The following TAF3 variants were observed in gnomAD, a reference collection of about 807,000 sequenced individuals.
The protein encoded by TAF3 is TATA-box binding protein associated factor 3, also known as transcription initiation factor TFIID subunit 3.
In TAF3, 7 loss-of-function variants were observed where a neutral mutation model predicts 80.6. The ratio of observed to expected loss-of-function variants is 0.09; its 90% CI spans 0.05 to 0.16. TAF3 has a LOEUF of 0.16. TAF3 is among the 10% of genes least tolerant of loss of function. TAF3 has a pLI of 1.00. For missense variants in TAF3, 921 were observed against 1,140.2 expected (o/e 0.81, Z 2.77); for synonymous variants, 444 against 446.1 (o/e 1.00, Z 0.06).
chr10:7,996,207 T>A (rs1018367457), intron 4 of TAF3, among the ~76,000 whole-genome samples: 6 of 152,174 alleles, frequency 3.9e-5, no homozygotes, highest in Non-Finnish European at 8.8e-5. Flanking sequence ...AGCTGGTGAC[T>A]GGGACCATAG....
intron 2 of TAF3, among the ~76,000 whole-genome samples, chr10:7,915,421 G>A (rs1308510651): frequency 2.0e-5 from 3 of 148,498 alleles, no homozygotes; most frequent in African/African-American, 7.4e-5. Context: ...GAGACGGGTG[G>A]ATCACGAGGT....
In TAF3 at chr10:7,928,297, T is replaced by C. The variant is rs114039722; in HGVS notation, c.410-35623T>C. Among the ~76,000 whole-genome samples the C allele has an allele frequency of 8.4e-3, 1,272 of 152,304 alleles. 14 individuals are homozygous for C. Among genetic ancestry groups the C allele is most frequent in the African/African-American group, 0.027 (1,142 of 41,558 alleles). Reference sequence around the variant, plus strand: ...CCAGTACCTGATACCTAGTGCCACATAGGAAGTACTTAAGTATTTTTTGAG... The same window carrying C: ...CCAGTACCTGATACCTAGTGCCACACAGGAAGTACTTAAGTATTTTTTGAG... On this transcript the variant is annotated intron_variant, in intron 2 of 6. Coordinates refer to ENST00000344293, the MANE Select transcript of TAF3 (RefSeq NM_031923.4).
rs1179535072 is a variant in TAF3, at chr10:7,824,448, T to C, written c.297T>C (p.Phe99=). The C allele has an allele frequency of 1.2e-6, 2 of 1,614,182 alleles. No homozygotes were observed. The highest frequency in any genetic ancestry group is 2.7e-5 in the African/African-American group (2 of 75,058). The change falls in exon 2 of 7, where the codon TTT becomes TTC. Residue 99 remains phenylalanine, a synonymous_variant. Transcript: ENST00000344293. ...PVTFPHQIPS[F]PVSKNNVLQF... ...CCTTCCCACACCAAATTCCGTCATT[T>C]CCTGTTAGCAAGAACAATGTACTTC...
In TAF3 at chr10:7,832,740, C is replaced by T. The variant is rs531934253; in HGVS notation, c.409+8180C>T. 4.6e-5 allele frequency among the ~76,000 whole-genome samples: 7 copies of T among 152,072 alleles called. No homozygotes were observed. The East Asian group carries it at 5.8e-4, about 13-fold the overall frequency. ...AATTTTTGTGTTTTTAGTAGAGATG[C>T]GATTTCACCATGTTGGCCAGGCTGG... On this transcript the variant is annotated intron_variant, in intron 2 of 6. Coordinates refer to ENST00000344293, the MANE Select transcript of TAF3 (RefSeq NM_031923.4).
At position 8,009,660 on chromosome 10, in the gene TAF3, T is replaced by C. The variant is rs1406409222; in HGVS notation, c.2568+330T>C. Among the ~76,000 whole-genome samples the C allele has an allele frequency of 1.3e-5, 2 of 151,910 alleles. No homozygotes were observed. Among genetic ancestry groups the C allele is most frequent in the African/African-American group, 4.8e-5 (2 of 41,358 alleles). On this transcript the variant is annotated intron_variant, in intron 5 of 6. Transcript: ENST00000344293. This position sits in a 1 kb window ranked among gnomAD's most constrained non-coding sequence, Gnocchi z 4.1. ...TTTTGAGACAGAGTTTCGCTCTTATTGCCCAACCTGGAATGCGGTGGTGAG... is the reference window on the plus strand; with the variant it reads ...TTTTGAGACAGAGTTTCGCTCTTATCGCCCAACCTGGAATGCGGTGGTGAG...
intron 2 of TAF3, among the ~76,000 whole-genome samples, chr10:7,917,044 A>G (rs1837717811): frequency 6.6e-6 from 1 of 152,252 alleles, no homozygotes; most frequent in Non-Finnish European, 1.5e-5. Flanking sequence ...TTCAGCGAAT[A>G]TTCATTGAGA....
intron 2 of TAF3, among the ~76,000 whole-genome samples, chr10:7,928,691 T>C (rs1404917640): frequency 6.6e-6 from 1 of 152,238 alleles, no homozygotes; most frequent in African/African-American, 2.4e-5. Flanking sequence ...CTTCTGGGGT[T>C]GTCTGTCATT....
Position 8,014,802 on chromosome 10 carries a change from G to C in TAF3, c.*51G>C, listed in dbSNP as rs1178973683. The C allele has an allele frequency of 6.7e-7, 1 of 1,489,460 alleles. No homozygotes were observed. Among genetic ancestry groups the C allele is most frequent in the African/African-American group, 1.4e-5 (1 of 71,228 alleles). 92.3% of individuals were successfully genotyped at this position (1,489,460 alleles called of 1,614,324 possible). On this transcript the variant is annotated 3_prime_UTR_variant, in exon 7 of 7. Coordinates refer to ENST00000344293, the MANE Select transcript of TAF3 (RefSeq NM_031923.4). ...GGGGTCAGCCCGGGCTTCTTCCCTG[G>C]CGCCTCTGGAAGGGAGCTGGTGCAA...
chr10:7,986,519 G>T (rs1272278170), intron 4 of TAF3, among the ~76,000 whole-genome samples: 1 of 152,184 alleles, frequency 6.6e-6, no homozygotes, highest in East Asian at 1.9e-4. Flanking sequence ...CATAATGTCA[G>T]ACTGGGTGTC....
intron 4 of TAF3, among the ~76,000 whole-genome samples, chr10:8,007,773 A>G (rs898962605): frequency 1.3e-5 from 2 of 151,586 alleles, no homozygotes; most frequent in Non-Finnish European, 2.9e-5. Context: ...TCTCATAAGG[A>G]CTGGATGAGA....
At chr10:7,839,691 TA>T (rs778187285) in intron 2 of TAF3, among the ~76,000 whole-genome samples, 3 of 152,142 alleles carry the variant, frequency 2.0e-5, no homozygotes, top group East Asian at 1.9e-4. Context: ...TGAGTACAAT[TA>T]TTTTTTTTTT....
intron 2 of TAF3, among the ~76,000 whole-genome samples, chr10:7,948,727 C>T (rs556329698): frequency 1.3e-5 from 2 of 152,158 alleles, no homozygotes; most frequent in Non-Finnish European, 1.5e-5. Flanking sequence ...CAACCAAAAG[C>T]TTAAATACTG....
chr10:7,994,104 TTC>T (rs1453317063), intron 4 of TAF3, among the ~76,000 whole-genome samples: 1 of 149,752 alleles, frequency 6.7e-6, no homozygotes, highest in East Asian at 2.0e-4. Flanking sequence ...CCCTTCTTCT[TTC>T]TCTTTCTCTT....
chr10:7,963,960 A>G lies in TAF3; in HGVS notation c.450A>G (p.Ser150=), dbSNP rs772320851. 1.9e-6 allele frequency: 3 copies of G among 1,613,432 alleles called. No homozygotes were observed. The highest frequency in any genetic ancestry group is 2.5e-6 in the Non-Finnish European group (3 of 1,179,678). Residue 150 remains serine (S), a synonymous_variant, in exon 3 of 7, where the codon TCA becomes TCG. Transcript: ENST00000344293. The stretch of plus-strand genomic sequence containing the variant: ...AGGTGCCCACTGATGGAGGCACATC[A>G]GCAGAAGCCATGCAGGTTCCCTTGG... The part of the protein sequence containing the change: ...EEQVPTDGGT[S]AEAMQVPLEE...
chr10:7,915,100 C>A (rs1227788982), intron 2 of TAF3, among the ~76,000 whole-genome samples: 1 of 151,688 alleles, frequency 6.6e-6, no homozygotes, highest in African/African-American at 2.4e-5. Flanking sequence ...GCCACCACGC[C>A]CAGCTACTTT....
intron 1 of TAF3, among the ~76,000 whole-genome samples, chr10:7,819,634 TGGAA>T (rs1288397977): frequency 1.3e-5 from 2 of 151,454 alleles, no homozygotes; most frequent in Non-Finnish European, 2.9e-5. Context: ...AATAATTTAA[TGGAA>T]GGAATGGAAT....
At chr10:7,895,640 T>C (rs1202073753) in intron 2 of TAF3, among the ~76,000 whole-genome samples, 2 of 152,124 alleles carry the variant, frequency 1.3e-5, no homozygotes, top group Admixed American at 6.5e-5. Context: ...TCTTGGGAAA[T>C]TGGGGCATGA....
chr10:7,966,325 C>T (rs148946610), intron 3 of TAF3, among the ~76,000 whole-genome samples: 255 of 152,324 alleles, frequency 1.7e-3, no homozygotes, highest in African/African-American at 5.8e-3. Context: ...TTCTGAGTAT[C>T]TAGGCTGATC....
chr10:7,872,212 G>GGTT (rs1588533523), intron 2 of TAF3, among the ~76,000 whole-genome samples: 1 of 36,990 alleles, frequency 2.7e-5, no homozygotes, highest in Non-Finnish European at 5.3e-5. Flanking sequence ...GTGTTGGGTT[G>GGTT]ATTTTTTTTT....
Sources: gnomAD v4.1 joint callset for allele counts (sites outside exome capture counted in the v4.1 genomes callset) on GRCh38, gnomAD v4.1.1 for gene constraint, Gnocchi (gnomAD v3.1) non-coding constraint, MANE v1.5 for transcripts, NCBI Gene and HGNC (gene_info 2026-07-23, HGNC 2026-07-21) for gene names.